Variants in FHOD3 observed in about 807,000 individuals in gnomAD.
FHOD3 encodes the protein FH1/FH2 domain-containing protein 3.
FHOD3 carries 90 observed loss-of-function variants against 173.0 expected under a neutral mutation model. The observed-to-expected ratio is 0.52, with a 90% CI of 0.44 to 0.62. FHOD3 has a LOEUF of 0.62. FHOD3 is among the 20% of genes least tolerant of loss of function. The pLI is 0.00. For synonymous variants in FHOD3, 828 were observed against 823.0 expected, an observed-to-expected ratio of 1.01 and a Z score of -0.10; for missense variants, 1,945 against 2,034.7, an observed-to-expected ratio of 0.96 and a Z score of 0.85.
chr18:36,409,898 A>G (rs1280700214), intron 3 of FHOD3, among the ~76,000 whole-genome samples: 1 of 152,210 alleles, frequency 6.6e-6, no homozygotes, highest in Non-Finnish European at 1.5e-5. Flanking sequence ...GCTGTTGGAG[A>G]AAACAGGGCA....
At chr18:36,609,376 A>T (rs1174260294) in intron 8 of FHOD3, among the ~76,000 whole-genome samples, 1 of 149,660 alleles carries the variant, frequency 6.7e-6, no homozygotes, top group Non-Finnish European at 1.5e-5. Flanking sequence ...AAAAAAAAAG[A>T]TGAATTTTTT....
chr18:36,530,193 G>A (rs2056723762), intron 5 of FHOD3, among the ~76,000 whole-genome samples: 1 of 152,170 alleles, frequency 6.6e-6, no homozygotes, highest in African/African-American at 2.4e-5. Flanking sequence ...GAGTAATAAA[G>A]TGAATCCTTG....
intron 27 of FHOD3, among the ~76,000 whole-genome samples, chr18:36,768,182 C>T (rs1297009692): frequency 6.6e-6 from 1 of 151,756 alleles, no homozygotes; most frequent in Non-Finnish European, 1.5e-5. Context: ...CAATTTTGAG[C>T]ATATTGTACA....
chr18:36,661,090 A>G (rs1324397711), intron 14 of FHOD3, among the ~76,000 whole-genome samples: 3 of 152,058 alleles, frequency 2.0e-5, no homozygotes, highest in Admixed American at 6.5e-5. Flanking sequence ...ACCTGGCTGT[A>G]TTACCACTTT....
In FHOD3 at chr18:36,429,945, G is replaced by A. The variant is rs1462909109; in HGVS notation, c.337+57201G>A. ...CAAGTTGGGGTGGAGTGTTCGACCAGACTCTGCAAGCTCACTGATGGGAAT... is the reference window on the plus strand; with the variant it reads ...CAAGTTGGGGTGGAGTGTTCGACCAAACTCTGCAAGCTCACTGATGGGAAT... On this transcript the variant is annotated intron_variant, in intron 3 of 28. Transcript: ENST00000590592. Among the ~76,000 whole-genome samples, 9 of 152,292 alleles carry A rather than the reference G, an allele frequency of 5.9e-5. No individual in the cohort carries two copies. In the East Asian group the frequency reaches 1.5e-3, roughly 26 times the overall value.
chr18:36,678,640 C>A (rs545276656), intron 14 of FHOD3, among the ~76,000 whole-genome samples: 2 of 148,716 alleles, frequency 1.3e-5, no homozygotes, highest in South Asian at 2.1e-4. Context: ...AGAAAGTTTT[C>A]TTCTATTACT....
intron 1 of FHOD3, among the ~76,000 whole-genome samples, chr18:36,302,144 T>C (rs780033459): frequency 2.0e-5 from 3 of 152,232 alleles, no homozygotes; most frequent in Non-Finnish European, 2.9e-5. Flanking sequence ...ACTCCACTTT[T>C]GTGTCCTGAA....
chr18:36,410,001 G>A (rs1465846534), intron 3 of FHOD3, among the ~76,000 whole-genome samples: 1 of 152,150 alleles, frequency 6.6e-6, no homozygotes, highest in Admixed American at 6.5e-5. Context: ...GAAGTAGAAG[G>A]GCTTTACAAG....
chr18:36,574,314 CACT>C (rs1163613501), intron 5 of FHOD3, among the ~76,000 whole-genome samples: 1 of 152,114 alleles, frequency 6.6e-6, no homozygotes, highest in Non-Finnish European at 1.5e-5. Flanking sequence ...TGAGTGAAAA[CACT>C]ACCTTATTAT....
intron 5 of FHOD3, among the ~76,000 whole-genome samples, chr18:36,549,133 G>A (rs1478554567): frequency 6.6e-6 from 1 of 152,176 alleles, no homozygotes; most frequent in Non-Finnish European, 1.5e-5. Flanking sequence ...GTAAGTAGTG[G>A]TACCTCACTG....
intron 28 of FHOD3, among the ~76,000 whole-genome samples, chr18:36,776,695 T>C (rs2043679970): frequency 6.6e-6 from 1 of 152,166 alleles, no homozygotes; most frequent in South Asian, 2.1e-4. Context: ...GAATGAAGCC[T>C]ATGTTGGCTT....
intron 14 of FHOD3, among the ~76,000 whole-genome samples, chr18:36,665,662 G>T (rs1439615352): frequency 1.3e-5 from 2 of 152,178 alleles, no homozygotes; most frequent in Non-Finnish European, 2.9e-5. Context: ...TTGCAAATCT[G>T]GGAAAGATGG....
At chr18:36,508,092 A>G (rs8091405) in intron 4 of FHOD3, among the ~76,000 whole-genome samples, 79,846 of 151,972 alleles carry the variant, frequency 0.53, 21,316 homozygotes, top group East Asian at 0.63. Context: ...TACAATAATC[A>G]TATTGGTGGT....
chr18:36,701,677 A>C (rs1273045054), intron 17 of FHOD3, among the ~76,000 whole-genome samples: 1 of 152,198 alleles, frequency 6.6e-6, no homozygotes, highest in Non-Finnish European at 1.5e-5. Context: ...TGCTGCTTCA[A>C]ATGTGAGTTT....
At chr18:36,637,006 C>T (rs1422841948) in intron 10 of FHOD3, among the ~76,000 whole-genome samples, 1 of 152,076 alleles carries the variant, frequency 6.6e-6, no homozygotes, top group Non-Finnish European at 1.5e-5. Context: ...CTATGAAGTA[C>T]CTTGGACTCT....
intron 14 of FHOD3, among the ~76,000 whole-genome samples, chr18:36,674,031 A>C (rs972614138): frequency 6.0e-4 from 92 of 152,236 alleles, no homozygotes; most frequent in African/African-American, 2.2e-3. Context: ...TGTTAAACTA[A>C]TATTTGGATC....
chr18:36,603,243 T>G (rs2031635457), intron 8 of FHOD3, among the ~76,000 whole-genome samples: 1 of 152,050 alleles, frequency 6.6e-6, no homozygotes, highest in Non-Finnish European at 1.5e-5. Flanking sequence ...AAATCTAAAA[T>G]TTTCCCTCTG....
intron 24 of FHOD3, among the ~76,000 whole-genome samples, chr18:36,749,212 A>G (rs1157366383): frequency 6.6e-6 from 1 of 152,210 alleles, no homozygotes; most frequent in African/African-American, 2.4e-5. Flanking sequence ...TCAGGGATAC[A>G]TGTGAAGGTT....
At chr18:36,320,266 A>T (rs895763675) in intron 1 of FHOD3, among the ~76,000 whole-genome samples, 16 of 152,184 alleles carry the variant, frequency 1.1e-4, no homozygotes, top group Admixed American at 3.9e-4. Flanking sequence ...AAGAGAGAAG[A>T]ATCAAATGGA....
Sources: allele counts gnomAD v4.1 joint callset (sites outside exome capture counted in the v4.1 genomes callset), GRCh38; gene constraint gnomAD v4.1.1; transcripts MANE v1.5; gene names NCBI Gene and HGNC (gene_info 2026-07-23, HGNC 2026-07-21).